CSMD1: variants seen among roughly 807,000 people sequenced by gnomAD.
The protein encoded by CSMD1 is CUB and Sushi multiple domains 1, also known as CUB and sushi domain-containing protein 1.
In CSMD1, 213 loss-of-function variants were observed where a neutral mutation model predicts 417.5. That is an observed-to-expected ratio of 0.51 (90% CI 0.46 to 0.57). The LOEUF (loss-of-function observed/expected upper bound fraction) is 0.57. Among genes scored for constraint, CSMD1 ranks in the 20% least tolerant of loss-of-function variants. CSMD1 has a pLI of 0.00. For missense variants in CSMD1, 6,923 were observed against 4,529.7 expected (o/e 1.53, Z -15.17); for synonymous variants, 2,862 against 1,736.8 (o/e 1.65, Z -16.11).
intron 3 of CSMD1, among the ~76,000 whole-genome samples, chr8:4,334,265 T>C (rs1203215112): frequency 6.6e-6 from 1 of 152,142 alleles, no homozygotes; most frequent in Non-Finnish European, 1.5e-5. Context: ...TGCTTAAAAG[T>C]ATGCCTTACA....
At chr8:4,387,018 C>G (rs193225104) in intron 3 of CSMD1, among the ~76,000 whole-genome samples, 1 of 152,050 alleles carries the variant, frequency 6.6e-6, no homozygotes, top group Non-Finnish European at 1.5e-5. Context: ...TTGAAAGGGA[C>G]TGAGTTTGAG....
intron 26 of CSMD1, among the ~76,000 whole-genome samples, chr8:3,251,439 C>T (rs973707889): frequency 7.9e-5 from 12 of 152,090 alleles, no homozygotes; most frequent in African/African-American, 2.9e-4. Flanking sequence ...GTTTTGGTAC[C>T]AGTATCATGC....
intron 3 of CSMD1, among the ~76,000 whole-genome samples, chr8:4,140,980 A>C (rs1351143546): frequency 6.6e-6 from 1 of 151,282 alleles, no homozygotes; most frequent in African/African-American, 2.5e-5. Context: ...GGAAGAAAAC[A>C]TAAAAGATTT....
At chr8:3,662,841 G>T (rs1419749089) in intron 7 of CSMD1, among the ~76,000 whole-genome samples, 2 of 151,998 alleles carry the variant, frequency 1.3e-5, no homozygotes, top group East Asian at 1.9e-4. Context: ...CCTGTCGGTG[G>T]GTAGGGGGAA....
intron 3 of CSMD1, among the ~76,000 whole-genome samples, chr8:4,388,662 T>G (rs1472186724): frequency 1.3e-5 from 2 of 152,034 alleles, no homozygotes; most frequent in African/African-American, 4.8e-5. Flanking sequence ...AACTTACCTA[T>G]GTAACCAAAT....
chr8:3,882,002 T>A (rs925663749), intron 5 of CSMD1, among the ~76,000 whole-genome samples: 1 of 152,114 alleles, frequency 6.6e-6, no homozygotes, highest in African/African-American at 2.4e-5. Flanking sequence ...GAGAGAATAT[T>A]CTACGATGTC....
chr8:4,091,978 T>C (rs1460537356), intron 3 of CSMD1, among the ~76,000 whole-genome samples: 3 of 152,178 alleles, frequency 2.0e-5, no homozygotes, highest in Non-Finnish European at 4.4e-5. Context: ...TGCTAAGACA[T>C]TTTATGCGCC....
chr8:3,673,538 T>A (rs1310771429), intron 7 of CSMD1, among the ~76,000 whole-genome samples: 1 of 152,188 alleles, frequency 6.6e-6, no homozygotes, highest in African/African-American at 2.4e-5. Flanking sequence ...GTTTGCATCT[T>A]CAATATTTCA....
chr8:4,902,073 T>C (rs1804909585), intron 1 of CSMD1, among the ~76,000 whole-genome samples: 1 of 152,110 alleles, frequency 6.6e-6, no homozygotes, highest in Non-Finnish European at 1.5e-5. Flanking sequence ...AAAGAATATA[T>C]ATGTGTATAT....
intron 2 of CSMD1, among the ~76,000 whole-genome samples, chr8:4,435,374 CAG>C (rs1563169891): frequency 6.6e-6 from 1 of 152,120 alleles, no homozygotes; most frequent in Non-Finnish European, 1.5e-5. Flanking sequence ...GGAGAAAACT[CAG>C]AGTTCCTGCA....
At chr8:4,746,150 T>A (rs1810937934) in intron 1 of CSMD1, among the ~76,000 whole-genome samples, 1 of 152,234 alleles carries the variant, frequency 6.6e-6, no homozygotes, top group Non-Finnish European at 1.5e-5. Flanking sequence ...CCCTGTTTCT[T>A]GGGCTTTGCA....
chr8:4,009,025 G>C (rs1479508452), intron 4 of CSMD1, among the ~76,000 whole-genome samples: 3 of 152,074 alleles, frequency 2.0e-5, no homozygotes, highest in African/African-American at 7.2e-5. Context: ...TTCCATCAGA[G>C]TAATTATTTT....
At chr8:3,600,110 C>T (rs971582408) in intron 8 of CSMD1, among the ~76,000 whole-genome samples, 3 of 152,198 alleles carry the variant, frequency 2.0e-5, no homozygotes, top group South Asian at 2.1e-4. Context: ...GTAAAGAGAG[C>T]GAGGAATTAA....
At chr8:3,604,806 C>A (rs963933881) in intron 8 of CSMD1, among the ~76,000 whole-genome samples, 1 of 152,044 alleles carries the variant, frequency 6.6e-6, no homozygotes, top group Non-Finnish European at 1.5e-5. Context: ...AGGGCATCAA[C>A]GTGATAGCAT....
At chr8:3,113,812 G>T (rs542277641) in intron 42 of CSMD1, among the ~76,000 whole-genome samples, 1 of 152,308 alleles carries the variant, frequency 6.6e-6, no homozygotes, top group South Asian at 2.1e-4. Flanking sequence ...GCACAGGAGG[G>T]CGGAGGTACA....
At chr8:4,629,822 A>G (rs1305736266) in intron 2 of CSMD1, among the ~76,000 whole-genome samples, 1 of 152,188 alleles carries the variant, frequency 6.6e-6, no homozygotes, top group Non-Finnish European at 1.5e-5. Context: ...TCTGCTAATA[A>G]TAGTGTCATG....
At chr8:4,254,358 G>A (rs559411666) in intron 3 of CSMD1, among the ~76,000 whole-genome samples, 2 of 152,242 alleles carry the variant, frequency 1.3e-5, no homozygotes, top group South Asian at 2.1e-4. Flanking sequence ...GTATAGGGAA[G>A]TACAGTAATG....
chr8:4,277,795 T>G (rs1311290294), intron 3 of CSMD1, among the ~76,000 whole-genome samples: 1 of 152,218 alleles, frequency 6.6e-6, no homozygotes, highest in East Asian at 1.9e-4. Flanking sequence ...TTGCCCAGGC[T>G]GGAGTGCAGT....
chr8:4,413,168 G>A (rs992864179), intron 3 of CSMD1, among the ~76,000 whole-genome samples: 1 of 152,168 alleles, frequency 6.6e-6, no homozygotes, highest in Non-Finnish European at 1.5e-5. Context: ...AATAATCAGA[G>A]TTAACACCTT....
Sources: gnomAD v4.1 joint callset for allele counts (sites outside exome capture counted in the v4.1 genomes callset) on GRCh38, gnomAD v4.1.1 for gene constraint, MANE v1.5 for transcripts, NCBI Gene and HGNC (gene_info 2026-07-23, HGNC 2026-07-21) for gene names.